Variants in FSTL5 observed in about 807,000 individuals in gnomAD.
FSTL5 encodes the protein follistatin like 5.
A neutral mutation model predicts 89.1 loss-of-function variants in FSTL5; 62 were observed. The ratio of observed to expected loss-of-function variants is 0.70; its 90% CI spans 0.57 to 0.86. The LOEUF is 0.86. Among genes scored for constraint, FSTL5 ranks in the 40% least tolerant of loss-of-function variants. The pLI, the probability that FSTL5 is intolerant of heterozygous loss-of-function variation, is 0.00. For synonymous variants in FSTL5, 383 were observed against 346.2 expected (o/e 1.11, Z -1.18); for missense variants, 1,057 against 1,001.6 (o/e 1.06, Z -0.75).
chr4:161,781,161 T>G (rs1404222643), intron 4 of FSTL5, among the ~76,000 whole-genome samples: 2 of 152,058 alleles, frequency 1.3e-5, no homozygotes, highest in Non-Finnish European at 2.9e-5. Flanking sequence ...ATAAATATTT[T>G]GTATTTAAAG....
In FSTL5 at chr4:161,732,783, C is replaced by T. The variant is rs1455131511; in HGVS notation, c.727+26628G>A. Among the ~76,000 whole-genome samples the T allele has an allele frequency of 3.3e-5, 5 of 151,556 alleles. No individual in the cohort carries two copies. The East Asian group carries it at 7.7e-4, about 23-fold the overall frequency. On this transcript the variant is annotated intron_variant, in intron 6 of 15. Transcript: ENST00000306100. ...CCTTCCTCATTATATGGTCTTCACA[C>T]TTTTGTCAAAATCAACTGACGTTAT...
chr4:161,477,633 C>T (rs1339558735), intron 13 of FSTL5, among the ~76,000 whole-genome samples: 1 of 135,738 alleles, frequency 7.4e-6, no homozygotes, highest in Non-Finnish European at 1.6e-5. Context: ...ATTTATAATT[C>T]AGGTCTATCT....
intron 2 of FSTL5, among the ~76,000 whole-genome samples, chr4:162,084,912 T>TA (rs1489617478): frequency 6.6e-6 from 1 of 152,088 alleles, no homozygotes; most frequent in Admixed American, 6.6e-5. Context: ...CCCCAGAACT[T>TA]AAAGTATAAT....
intron 7 of FSTL5, among the ~76,000 whole-genome samples, chr4:161,615,293 C>CAAAAAAAAAAAAAAAAAAAAA (rs1203046031): frequency 2.3e-4 from 6 of 26,452 alleles, no homozygotes; most frequent in East Asian, 1.3e-3. Context: ...GACTCTGTCT[C>CAAAAAAAAAAAAAAAAAAAAA]AAAAAAAAAA....
chr4:161,591,431 T>C (rs1362912126), intron 7 of FSTL5, among the ~76,000 whole-genome samples: 2 of 152,196 alleles, frequency 1.3e-5, no homozygotes, highest in African/African-American at 4.8e-5. Flanking sequence ...AGCACTGAAT[T>C]GCACACTTCG....
At chr4:161,425,365 G>A (rs563319654) in intron 15 of FSTL5, among the ~76,000 whole-genome samples, 7 of 152,162 alleles carry the variant, frequency 4.6e-5, no homozygotes, top group Non-Finnish European at 7.4e-5. Context: ...TATGTTAGAC[G>A]ACAGATCCAA....
chr4:162,067,949 A>G (rs1738973548), intron 2 of FSTL5, among the ~76,000 whole-genome samples: 1 of 152,068 alleles, frequency 6.6e-6, no homozygotes, highest in South Asian at 2.1e-4. Context: ...CCAATTCACA[A>G]TTCCTAAAAG....
chr4:162,055,425 A>C (rs1194659540), intron 2 of FSTL5, among the ~76,000 whole-genome samples: 1 of 151,676 alleles, frequency 6.6e-6, no homozygotes, highest in African/African-American at 2.4e-5. Context: ...TATCTCTGTG[A>C]AAATACTCTT....
chr4:161,780,545 T>C (rs917700014), intron 4 of FSTL5, among the ~76,000 whole-genome samples: 1 of 152,186 alleles, frequency 6.6e-6, no homozygotes, highest in Non-Finnish European at 1.5e-5. Flanking sequence ...TTGGTAACTG[T>C]AGATTATCTT....
intron 3 of FSTL5, among the ~76,000 whole-genome samples, chr4:162,026,826 C>T (rs960059634): frequency 6.6e-6 from 1 of 152,044 alleles, no homozygotes; most frequent in African/African-American, 2.4e-5. Flanking sequence ...TAGAAAAAAA[C>T]CTAAATCAAT....
Position 161,498,603 on chromosome 4 carries a change from C to G in FSTL5, c.1458+1413G>C, listed in dbSNP as rs13120071. Reference sequence around the variant, plus strand: ...TTCAAATTCTGTGATATAGCCAAGACATGTGTGTCGTTAGCTGCAAAACTG... The same window carrying G: ...TTCAAATTCTGTGATATAGCCAAGAGATGTGTGTCGTTAGCTGCAAAACTG... On this transcript the variant is annotated intron_variant, in intron 12 of 15. Transcript: ENST00000306100. Among the ~76,000 whole-genome samples, 3 of 152,116 alleles carry G rather than the reference C, an allele frequency of 2.0e-5. No individual in the cohort carries two copies. The South Asian group carries it at 6.2e-4, about 31-fold the overall frequency.
intron 15 of FSTL5, among the ~76,000 whole-genome samples, chr4:161,438,612 T>G (rs1187765704): frequency 6.6e-6 from 1 of 152,150 alleles, no homozygotes; most frequent in Non-Finnish European, 1.5e-5. Context: ...CACCCGAAAT[T>G]ATTTTCAGTT....
At chr4:161,437,131 G>A (rs1732584142) in intron 15 of FSTL5, among the ~76,000 whole-genome samples, 1 of 152,270 alleles carries the variant, frequency 6.6e-6, no homozygotes, top group Admixed American at 6.5e-5. Flanking sequence ...AACAGAGGAG[G>A]CAAGGCTAGT....
At chr4:161,406,760 T>G (rs1731393780) in intron 15 of FSTL5, among the ~76,000 whole-genome samples, 1 of 152,344 alleles carries the variant, frequency 6.6e-6, no homozygotes, top group African/African-American at 2.4e-5. Flanking sequence ...CTTTTGTGGT[T>G]ACTATTTGCA....
intron 10 of FSTL5, among the ~76,000 whole-genome samples, chr4:161,516,757 AC>A (rs1333598674): frequency 1.5e-5 from 2 of 135,452 alleles, no homozygotes; most frequent in East Asian, 2.2e-4. Context: ...ACACACACAC[AC>A]AATTTTTTTT....
At chr4:161,566,758 A>G (rs1732830265) in intron 8 of FSTL5, among the ~76,000 whole-genome samples, 1 of 152,058 alleles carries the variant, frequency 6.6e-6, no homozygotes. Flanking sequence ...AGTAGCAAAA[A>G]TCAAGGAAAT....
intron 8 of FSTL5, 128 bp from the exon 9 acceptor site, chr4:161,542,821 T>C: frequency 2.0e-6 from 1 of 490,918 alleles, no homozygotes; most frequent in African/African-American, 2.0e-5. Flanking sequence ...TTTCTACAGA[T>C]TGTAGTTTCC....
chr4:161,786,919 T>A (rs13146883), intron 4 of FSTL5, among the ~76,000 whole-genome samples: 112,829 of 152,030 alleles, frequency 0.74, 41,888 homozygotes, highest in Admixed American at 0.77. Context: ...CATATTTGAC[T>A]TTTTTTATTC....
intron 6 of FSTL5, 145 bp from the exon 7 acceptor site, chr4:161,656,639 G>T (rs1736528763): frequency 2.2e-5 from 10 of 462,704 alleles, no homozygotes; most frequent in African/African-American, 4.0e-5. Flanking sequence ...AGAGAAAATT[G>T]TTTCCAATAA....
Sources: gnomAD v4.1 joint callset for allele counts (sites outside exome capture counted in the v4.1 genomes callset) on GRCh38, gnomAD v4.1.1 for gene constraint, MANE v1.5 for transcripts, NCBI Gene and HGNC (gene_info 2026-07-23, HGNC 2026-07-21) for gene names.